The following STAG1 variants were observed in gnomAD, a reference collection of about 807,000 sequenced individuals.
STAG1 encodes the protein STAG1 cohesin complex component.
A neutral mutation model predicts 170.9 loss-of-function variants in STAG1; 26 were observed. The ratio of observed to expected loss-of-function variants is 0.15; its 90% CI spans 0.11 to 0.21. STAG1 has a LOEUF of 0.21. Ranked by LOEUF, STAG1 falls within the 10% of genes least tolerant of loss-of-function variation. The pLI is 1.00. For missense variants in STAG1, 964 were observed against 1,509.5 expected (o/e 0.64, Z 5.99); for synonymous variants, 514 against 497.7 (o/e 1.03, Z -0.44).
chr3:136,615,424 CAAAAAAAAAAAAAAAAAA>C lies in STAG1; in HGVS notation c.132+7704_132+7721del, dbSNP rs35713077. Among the ~76,000 whole-genome samples the C allele has an allele frequency of 1.5e-4, 5 of 33,262 alleles. No homozygotes were observed. In the Admixed American group the frequency reaches 2.5e-3, roughly 17 times the overall value. The allele number at this position is 33,262 out of a possible 152,430, so 21.8% of individuals were successfully genotyped here. On this transcript the variant is annotated intron_variant, in intron 3 of 33. Coordinates refer to ENST00000383202, the MANE Select transcript of STAG1 (RefSeq NM_005862.3). The stretch of plus-strand genomic sequence containing the variant: ...GCCTGGGTGACAACAAGACTTTGTC[CAAAAAAAAAAAAAAAAAA>C]AAAAAAAAAGGAGTGGGGGCACTGC...
At chr3:136,364,896 G>C (rs1937017083) in intron 25 of STAG1, among the ~76,000 whole-genome samples, 1 of 152,050 alleles carries the variant, frequency 6.6e-6, no homozygotes, top group East Asian at 1.9e-4. Context: ...CAGCTCAAAA[G>C]GATCCTTTTA....
chr3:136,736,903 T>C (rs1341913746), intron 1 of STAG1: 5 of 1,588,200 alleles, frequency 3.1e-6, no homozygotes, highest in African/African-American at 1.3e-5. Context: ...GGTCCTCTTC[T>C]TTTGCTCCTG....
At chr3:136,589,491 G>T (rs370707995) in intron 4 of STAG1, among the ~76,000 whole-genome samples, 75 of 151,948 alleles carry the variant, frequency 4.9e-4, no homozygotes, top group Non-Finnish European at 3.2e-4. Context: ...GTGACAGAGC[G>T]AGACTCTGTC....
chr3:136,530,493 A>C (rs896767276), intron 6 of STAG1, among the ~76,000 whole-genome samples: 1 of 152,182 alleles, frequency 6.6e-6, no homozygotes, highest in Non-Finnish European at 1.5e-5. Context: ...TCTCATTAGC[A>C]CATGGATAGA....
At chr3:136,503,477 A>C (rs1933589164) in intron 7 of STAG1, among the ~76,000 whole-genome samples, 1 of 152,206 alleles carries the variant, frequency 6.6e-6, no homozygotes, top group Non-Finnish European at 1.5e-5. Context: ...TATGACACAA[A>C]CCTCAAACTT....
At chr3:136,587,890 G>C (rs572008293) in intron 4 of STAG1, among the ~76,000 whole-genome samples, 4 of 152,080 alleles carry the variant, frequency 2.6e-5, no homozygotes, top group African/African-American at 9.6e-5. Flanking sequence ...TGAACCCGGG[G>C]GGGCGGAGGT....
intron 14 of STAG1, among the ~76,000 whole-genome samples, chr3:136,446,613 G>C (rs1223215021): frequency 3.3e-5 from 5 of 151,912 alleles, no homozygotes; most frequent in African/African-American, 9.7e-5. Flanking sequence ...AGTAGAGAGA[G>C]GCTTTCACCA....
At position 136,491,347 on chromosome 3, in the gene STAG1, A is replaced by C. The variant is rs573684635; in HGVS notation, c.902+8876T>G. ...TGAAGTATCTGACACTACCCTTCCCATATCAGAAAGGTCCGTCCATATCTT... is the reference window on the plus strand; with the variant it reads ...TGAAGTATCTGACACTACCCTTCCCCTATCAGAAAGGTCCGTCCATATCTT... On this transcript the variant is annotated intron_variant, in intron 9 of 33. Coordinates refer to ENST00000383202, the MANE Select transcript of STAG1 (RefSeq NM_005862.3). 3.3e-5 allele frequency among the ~76,000 whole-genome samples: 5 copies of C among 152,236 alleles called. No homozygotes were observed. The South Asian group carries it at 1.0e-3, about 32-fold the overall frequency.
rs536259059 is a variant in STAG1 at position 136,349,360 on chromosome 3, A to G, written c.3069T>C (p.His1023=). 6.2e-7 allele frequency: 1 copy of G among 1,612,014 alleles called. No individual in the cohort carries two copies. The highest frequency in any genetic ancestry group is 1.1e-5 in the South Asian group (1 of 91,036). ...CGGTAAGGAATTTCTCTAGGTATGA[A>G]TGACTAGAAACACAATAGAAACAGC... is the stretch of plus-strand genomic sequence containing the variant. ...KLLRQDKKTV[H]SYLEKFLTEQ... Residue 1023 remains histidine (H), a synonymous_variant, in exon 29 of 34, where the codon CAT becomes CAC. Coordinates refer to ENST00000383202, the MANE Select transcript of STAG1 (RefSeq NM_005862.3).
chr3:136,634,308 G>A (rs1378461694), intron 1 of STAG1, among the ~76,000 whole-genome samples: 1 of 151,786 alleles, frequency 6.6e-6, no homozygotes, highest in Non-Finnish European at 1.5e-5. Flanking sequence ...AGTGAGCCAT[G>A]ACTGGGCCAC....
chr3:136,443,416 A>C lies in STAG1; in HGVS notation c.1429-12T>G, dbSNP rs2088688030. ...GCATGTTCATGTAACTAAAAAGAAA[A>C]AATCAAGTGTGACCAAAGAATATTT... On this transcript the variant is annotated splice_polypyrimidine_tract_variant and intron_variant, in intron 14 of 33. Transcript: ENST00000383202. The C allele has an allele frequency of 6.4e-7, 1 of 1,562,058 alleles. No individual in the cohort carries two copies. Among genetic ancestry groups the C allele is most frequent in the Non-Finnish European group, 8.8e-7 (1 of 1,139,910 alleles).
intron 15 of STAG1, among the ~76,000 whole-genome samples, chr3:136,441,157 C>G (rs1385414479): frequency 6.6e-6 from 1 of 151,826 alleles, no homozygotes; most frequent in Non-Finnish European, 1.5e-5. Context: ...CTCAGCCTCC[C>G]GAGTAGATGG....
rs948263488 is a variant in STAG1 at position 136,474,057 on chromosome 3, G to A, written c.1027-420C>T. ...TTTATTCATGCAACAAATATTTACT[G>A]GATTCAATTTATATTCCAGGGACAG... On this transcript the variant is annotated intron_variant, in intron 10 of 33. Coordinates refer to ENST00000383202, the MANE Select transcript of STAG1 (RefSeq NM_005862.3). Among the ~76,000 whole-genome samples the A allele has an allele frequency of 2.6e-5, 4 of 152,230 alleles. No homozygotes were observed. In the East Asian group the frequency reaches 7.7e-4, roughly 29 times the overall value.
At chr3:136,669,661 T>C (rs1941919809) in intron 1 of STAG1, among the ~76,000 whole-genome samples, 1 of 152,110 alleles carries the variant, frequency 6.6e-6, no homozygotes, top group Admixed American at 6.6e-5. Context: ...ACTCAAGACA[T>C]ATTTTCTATA....
intron 7 of STAG1, among the ~76,000 whole-genome samples, chr3:136,513,922 A>T (rs778764909): frequency 6.6e-6 from 1 of 152,188 alleles, no homozygotes; most frequent in African/African-American, 2.4e-5. Context: ...GCATAATTTT[A>T]AAAAATTAAA....
chr3:136,644,259 C>T (rs2107849280), intron 1 of STAG1, among the ~76,000 whole-genome samples: 1 of 152,168 alleles, frequency 6.6e-6, no homozygotes, highest in African/African-American at 2.4e-5. Flanking sequence ...CTGGAGTATT[C>T]CCCCAACAGA....
intron 9 of STAG1, among the ~76,000 whole-genome samples, chr3:136,497,877 C>A (rs569351918): frequency 6.8e-6 from 1 of 146,790 alleles, no homozygotes; most frequent in Non-Finnish European, 1.5e-5. Flanking sequence ...ATTCCTCAAT[C>A]TGATAAGGGG....
chr3:136,673,884 C>T (rs1942048145), intron 1 of STAG1, among the ~76,000 whole-genome samples: 1 of 151,806 alleles, frequency 6.6e-6, no homozygotes, highest in Non-Finnish European at 1.5e-5. Flanking sequence ...AGGTGGATTG[C>T]TTGAGCTCAT....
At chr3:136,428,310 G>A (rs114432381) in intron 16 of STAG1, among the ~76,000 whole-genome samples, 17 of 152,258 alleles carry the variant, frequency 1.1e-4, no homozygotes, top group Non-Finnish European at 2.5e-4. Flanking sequence ...AAGAAGGCCT[G>A]GACAACAAGG....
Sources: gnomAD v4.1 joint callset for allele counts (sites outside exome capture counted in the v4.1 genomes callset) on GRCh38, gnomAD v4.1.1 for gene constraint, MANE v1.5 for transcripts, NCBI Gene and HGNC (gene_info 2026-07-23, HGNC 2026-07-21) for gene names.